The following SOS1 variants were observed in gnomAD, a reference collection of about 807,000 sequenced individuals.
SOS1 encodes the protein son of sevenless homolog 1.
A neutral mutation model predicts 157.6 loss-of-function variants in SOS1; 25 were observed. That is an observed-to-expected ratio of 0.16 (90% confidence interval 0.12 to 0.22). The LOEUF (loss-of-function observed/expected upper bound fraction) is 0.22, where lower values mean the gene tolerates loss of function less well. Among genes scored for constraint, SOS1 ranks in the 10% least tolerant of loss-of-function variants. The probability of loss-of-function intolerance (pLI) is 1.00; values close to 1 mark genes in which losing one functional copy is unlikely to be tolerated. For synonymous variants in SOS1, 528 were observed against 534.0 expected, an observed-to-expected ratio of 0.99 and a Z score of 0.16; for missense variants, 1,237 against 1,599.1, an observed-to-expected ratio of 0.77 and a Z score of 3.86.
In SOS1 at chr2:39,014,861, G is replaced by A. The variant is rs1669580973; in HGVS notation, c.1859-15C>T. Reference sequence around the variant, plus strand: ...AAAATTGGGATCTAAGAAGAAAAAGGAAAAATATCTTATTAAACTCTATGA... The same window carrying A: ...AAAATTGGGATCTAAGAAGAAAAAGAAAAAATATCTTATTAAACTCTATGA... On this transcript the variant is annotated splice_polypyrimidine_tract_variant and intron_variant, in intron 10 of 22. Transcript: ENST00000402219. 1 of 1,339,532 alleles carries A rather than the reference G, an allele frequency of 7.5e-7. No homozygotes were observed. The highest frequency in any genetic ancestry group is 2.3e-5 in the East Asian group (1 of 43,464). 83.0% of individuals were successfully genotyped at this position (1,339,532 alleles called of 1,614,324 possible).
chr2:39,035,240 T>C lies in SOS1; in HGVS notation c.1046A>G (p.His349Arg). 1.9e-6 allele frequency: 3 copies of C among 1,613,184 alleles called. No individual in the cohort carries two copies. Among genetic ancestry groups the C allele is most frequent in the Non-Finnish European group, 2.5e-6 (3 of 1,179,236 alleles). The change falls in exon 8 of 23, where the codon CAC becomes CGC. Residue 349 changes from histidine (H) to arginine (R), a missense_variant. Transcript: ENST00000402219. The part of the protein sequence containing the change: ...LPRLLLAPVY[H>R]CLHYFELLKQ... ...CAAAAGTTCAAAGTAATGGAGACAG[T>C]GGTAAACAGGGGCCAGAAGCAGCCT...
In SOS1 at chr2:38,985,738, A is replaced by T; in HGVS notation, c.*86T>A. The T allele has an allele frequency of 1.7e-5, 24 of 1,443,400 alleles. No individual in the cohort carries two copies. Among genetic ancestry groups the T allele is most frequent in the East Asian group, 7.2e-5 (3 of 41,946 alleles). The allele number at this position is 1,443,400 out of a possible 1,614,324, so 89.4% of individuals were successfully genotyped here. On this transcript the variant is annotated 3_prime_UTR_variant, in exon 23 of 23. Coordinates refer to ENST00000402219, the MANE Select transcript of SOS1 (RefSeq NM_005633.4). ...CGTTAGTGTTTGGAGTTCTCATTTTAACTCCTCAGTGCTGGCACATTCAGT... is the reference window on the plus strand; with the variant it reads ...CGTTAGTGTTTGGAGTTCTCATTTTTACTCCTCAGTGCTGGCACATTCAGT...
At chr2:38,998,230 CTTAT>C (rs1668964376) in intron 17 of SOS1, among the ~76,000 whole-genome samples, 1 of 151,652 alleles carries the variant, frequency 6.6e-6, no homozygotes, top group Non-Finnish European at 1.5e-5. Context: ...TGTGTGTGAT[CTTAT>C]TTTTTTTTTT....
intron 1 of SOS1, among the ~76,000 whole-genome samples, chr2:39,119,410 G>C (rs1572906227): frequency 1.3e-5 from 2 of 152,310 alleles, no homozygotes; most frequent in South Asian, 4.1e-4. Context: ...ACCTTTTAAT[G>C]TTTAGCATAA....
At position 39,029,227 on chromosome 2, in the gene SOS1, C is replaced by T. The variant is rs375308847; in HGVS notation, c.1075-5090G>A. Among the ~76,000 whole-genome samples, 12 of 152,138 alleles carry T rather than the reference C, an allele frequency of 7.9e-5. No homozygotes were observed. The South Asian group carries it at 8.3e-4, about 11-fold the overall frequency. On this transcript the variant is annotated intron_variant, in intron 8 of 22. Coordinates refer to ENST00000402219, the MANE Select transcript of SOS1 (RefSeq NM_005633.4). ...AGGCAATCAACCCTAAAAAATGTTA[C>T]GATATGTCATTTATGAAAACATATC...
intron 1 of SOS1, among the ~76,000 whole-genome samples, chr2:39,113,813 C>G (rs886102709): frequency 6.6e-6 from 1 of 152,218 alleles, no homozygotes; most frequent in Admixed American, 6.5e-5. Flanking sequence ...CATCTCCAAG[C>G]AAGAAGCAAA....
At chr2:39,072,018 T>C (rs1671811315) in intron 1 of SOS1, among the ~76,000 whole-genome samples, 1 of 152,152 alleles carries the variant, frequency 6.6e-6, no homozygotes, top group South Asian at 2.1e-4. Context: ...GTTTCTTATC[T>C]CTAAGGCAGA....
chr2:39,010,870 A>G (rs1460810145), intron 14 of SOS1, among the ~76,000 whole-genome samples, 167 bp from the exon 15 acceptor site: 1 of 149,986 alleles, frequency 6.7e-6, no homozygotes, highest in Non-Finnish European at 1.5e-5. Context: ...GTAATTATGC[A>G]TATTTCCTTA....
intron 6 of SOS1, among the ~76,000 whole-genome samples, chr2:39,042,384 A>G (rs1261420813): frequency 6.6e-6 from 1 of 151,904 alleles, no homozygotes; most frequent in African/African-American, 2.4e-5. Flanking sequence ...CTTCCTTGTG[A>G]ATCTAATTTT....
intron 1 of SOS1, among the ~76,000 whole-genome samples, chr2:39,095,225 G>GATGT (rs1258322948): frequency 6.6e-6 from 1 of 151,194 alleles, no homozygotes; most frequent in East Asian, 1.9e-4. Flanking sequence ...GTAGACACCA[G>GATGT]ATGTATGGTG....
intron 4 of SOS1, among the ~76,000 whole-genome samples, chr2:39,055,979 G>T (rs1671198092): frequency 6.6e-6 from 1 of 152,112 alleles, no homozygotes; most frequent in African/African-American, 2.4e-5. Flanking sequence ...TTCAATAAGT[G>T]TTTGCTCTTA....
intron 10 of SOS1, among the ~76,000 whole-genome samples, chr2:39,021,037 A>G (rs1398157449): frequency 6.6e-6 from 1 of 151,744 alleles, no homozygotes; most frequent in East Asian, 1.9e-4. Context: ...GCAAAGTTCT[A>G]TAAATCTTGA....
chr2:39,077,320 C>A (rs1328005486), intron 1 of SOS1, among the ~76,000 whole-genome samples: 1 of 138,536 alleles, frequency 7.2e-6, no homozygotes, highest in South Asian at 2.3e-4. Context: ...ACTCCTTCTC[C>A]AAAAAAAAAA....
chr2:39,044,292 C>A (rs1388320080), intron 6 of SOS1, among the ~76,000 whole-genome samples: 1 of 152,200 alleles, frequency 6.6e-6, no homozygotes, highest in Non-Finnish European at 1.5e-5. Context: ...GCGGAGGTTG[C>A]AGTGAGCCAA....
At chr2:39,040,881 T>C (rs189872721) in intron 6 of SOS1, among the ~76,000 whole-genome samples, 15 of 152,318 alleles carry the variant, frequency 9.8e-5, no homozygotes, top group African/African-American at 3.6e-4. Flanking sequence ...TTCTGGATCA[T>C]ATGGTAATTC....
chr2:38,997,415 G>A lies in SOS1; in HGVS notation c.2802C>T (p.Leu934=). Residue 934 remains leucine, a synonymous_variant, in exon 18 of 23, where the codon CTC becomes CTT. Coordinates refer to ENST00000402219, the MANE Select transcript of SOS1 (RefSeq NM_005633.4). Reference sequence around the variant, plus strand: ...CTTCTTCTGTTTTCAAGATATTAGTGAGATAAATTCCTAGAAGATATAATG... The same window carrying A: ...CTTCTTCTGTTTTCAAGATATTAGTAAGATAAATTCCTAGAAGATATAATG... ...PPCVPFFGIY[L]TNILKTEEGN... 7 of 1,603,056 alleles carry A rather than the reference G, an allele frequency of 4.4e-6. No homozygotes were observed. The highest frequency in any genetic ancestry group is 6.0e-6 in the Non-Finnish European group (7 of 1,170,948).
At chr2:39,018,187 A>C (rs993002661) in intron 10 of SOS1, among the ~76,000 whole-genome samples, 1 of 151,914 alleles carries the variant, frequency 6.6e-6, no homozygotes, top group African/African-American at 2.4e-5. Context: ...AAAAAATTAA[A>C]AATAGCCCAT....
Position 38,985,719 on chromosome 2 carries a change from T to TGG in SOS1, c.*104_*105insCC. On this transcript the variant is annotated 3_prime_UTR_variant, in exon 23 of 23. Coordinates refer to ENST00000402219, the MANE Select transcript of SOS1 (RefSeq NM_005633.4). ...CTGCATCTTGAAGAAGAGTCGTTAG[T>TGG]GTTTGGAGTTCTCATTTTAACTCCT... is the stretch of plus-strand genomic sequence containing the variant. 8.7e-7 allele frequency: 1 copy of TGG among 1,146,622 alleles called. No individual in the cohort carries two copies. Among genetic ancestry groups the TGG allele is most frequent in the Non-Finnish European group, 1.3e-6 (1 of 766,836 alleles). 71.0% of individuals were successfully genotyped at this position (1,146,622 alleles called of 1,614,324 possible). A position where few individuals can be genotyped will look rare whatever the true frequency, so the allele number is the denominator to read the frequency against.
At chr2:39,063,074 T>TA (rs1023952802) in intron 2 of SOS1, among the ~76,000 whole-genome samples, 26 of 151,982 alleles carry the variant, frequency 1.7e-4, no homozygotes, top group African/African-American at 6.3e-4. Flanking sequence ...TTTTTAAAAA[T>TA]AAAAAAATAC....
Sources: gnomAD v4.1 joint callset for allele counts (sites outside exome capture counted in the v4.1 genomes callset) on GRCh38, gnomAD v4.1.1 for gene constraint, MANE v1.5 for transcripts, NCBI Gene and HGNC (gene_info 2026-07-23, HGNC 2026-07-21) for gene names.